The following DDAH1 variants were observed in gnomAD, a reference collection of about 807,000 sequenced individuals.
The protein encoded by DDAH1 is dimethylarginine dimethylaminohydrolase 1.
DDAH1 carries 19 observed loss-of-function variants against 28.8 expected under a neutral mutation model. The ratio of observed to expected loss-of-function variants is 0.66; its 90% CI spans 0.46 to 0.97. The LOEUF (loss-of-function observed/expected upper bound fraction) is 0.97, where lower values mean the gene tolerates loss of function less well. Among genes scored for constraint, DDAH1 ranks in the 50% least tolerant of loss-of-function variants. The pLI is 0.00. For missense variants in DDAH1, 326 were observed against 375.9 expected, an observed-to-expected ratio of 0.87 and a Z score of 1.10; for synonymous variants, 153 against 154.4, an observed-to-expected ratio of 0.99 and a Z score of 0.07.
At chr1:85,325,850 T>C (rs371874227) in intron 4 of DDAH1, among the ~76,000 whole-genome samples, 1 of 152,228 alleles carries the variant, frequency 6.6e-6, no homozygotes, top group Non-Finnish European at 1.5e-5. Flanking sequence ...GGTTTAGTCA[T>C]GTAGACTCTT....
intron 2 of DDAH1, among the ~76,000 whole-genome samples, chr1:85,478,181 A>G (rs923885182): frequency 6.6e-6 from 1 of 152,190 alleles, no homozygotes; most frequent in Non-Finnish European, 1.5e-5. Flanking sequence ...TATATAGAAA[A>G]ATCAGTTTCA....
At chr1:85,525,799 A>G (rs1657850974) in intron 1 of DDAH1, among the ~76,000 whole-genome samples, 1 of 152,104 alleles carries the variant, frequency 6.6e-6, no homozygotes, top group African/African-American at 2.4e-5. Context: ...GTGAGCTCAC[A>G]GGTTAACACT....
chr1:85,365,330 T>C (rs955812723), intron 1 of DDAH1, among the ~76,000 whole-genome samples: 1 of 152,200 alleles, frequency 6.6e-6, no homozygotes, highest in African/African-American at 2.4e-5. Flanking sequence ...CCAAAACAGA[T>C]TATGTTCACT....
chr1:85,368,921 C>T (rs1650221873), intron 1 of DDAH1, among the ~76,000 whole-genome samples: 1 of 152,102 alleles, frequency 6.6e-6, no homozygotes, highest in African/African-American at 2.4e-5. Context: ...TTTGTATGTT[C>T]AGTATACAAT....
At chr1:85,402,988 T>A (rs756956884) in intron 1 of DDAH1, among the ~76,000 whole-genome samples, 8 of 151,988 alleles carry the variant, frequency 5.3e-5, no homozygotes, top group Non-Finnish European at 1.0e-4. Context: ...GATACCTGTT[T>A]TCTTAAGCAT....
At chr1:85,450,167 ATTAT>A (rs1401441559) in intron 1 of DDAH1, among the ~76,000 whole-genome samples, 7 of 152,156 alleles carry the variant, frequency 4.6e-5, no homozygotes, top group African/African-American at 9.7e-5. Flanking sequence ...TATATTTGCG[ATTAT>A]TTATTTCATG....
At chr1:85,354,222 C>T (rs1649373585) in intron 2 of DDAH1, among the ~76,000 whole-genome samples, 1 of 152,126 alleles carries the variant, frequency 6.6e-6, no homozygotes, top group African/African-American at 2.4e-5. Context: ...TACTGACTGT[C>T]CTACATTCTT....
In DDAH1 at chr1:85,512,905, T is replaced by C. The variant is rs534573426; in HGVS notation, c.-122-16624A>G. 3.2e-3 allele frequency among the ~76,000 whole-genome samples: 488 copies of C among 152,178 alleles called. 2 individuals are homozygous for C. Among genetic ancestry groups the C allele is most frequent in the African/African-American group, 0.011 (458 of 41,530 alleles). On this transcript the variant is annotated intron_variant, in intron 1 of 6. Coordinates refer to the DDAH1 transcript ENST00000426972. ...GATCATGGATAGGAAGAATCAATATTGTGAAAATGGCCATACAGCCTAAGG... is the reference window on the plus strand; with the variant it reads ...GATCATGGATAGGAAGAATCAATATCGTGAAAATGGCCATACAGCCTAAGG...
At chr1:85,575,621 A>G (rs888552524) in intron 1 of DDAH1, among the ~76,000 whole-genome samples, 19 of 152,330 alleles carry the variant, frequency 1.2e-4, no homozygotes, top group African/African-American at 4.6e-4. Flanking sequence ...ACTATTTTTT[A>G]TATCTGATGC....
chr1:85,530,075 GA>G (rs55884503), intron 1 of DDAH1, among the ~76,000 whole-genome samples: 74,694 of 150,998 alleles, frequency 0.49, 20,179 homozygotes, highest in Non-Finnish European at 0.59. Context: ...CCCAGGGTCT[GA>G]AAAAAATATT....
At chr1:85,322,366 CT>C (rs1350573946) in intron 5 of DDAH1, among the ~76,000 whole-genome samples, 1 of 152,212 alleles carries the variant, frequency 6.6e-6, no homozygotes, top group African/African-American at 2.4e-5. Flanking sequence ...TTATTAGCAT[CT>C]TTTGACACTA....
intron 1 of DDAH1, among the ~76,000 whole-genome samples, chr1:85,522,752 A>T (rs1476768113): frequency 6.6e-6 from 1 of 152,188 alleles, no homozygotes; most frequent in African/African-American, 2.4e-5. Flanking sequence ...CAGAGAAACA[A>T]CATCTCTAAT....
chr1:85,344,828 T>C (rs951515509), intron 4 of DDAH1, among the ~76,000 whole-genome samples: 5 of 152,152 alleles, frequency 3.3e-5, no homozygotes, highest in South Asian at 2.1e-4. Flanking sequence ...AGATGTGGTA[T>C]AGATTTACTC....
intron 2 of DDAH1, among the ~76,000 whole-genome samples, chr1:85,356,411 A>G (rs115845268): frequency 6.6e-6 from 1 of 152,350 alleles, no homozygotes; most frequent in African/African-American, 2.4e-5. Flanking sequence ...GAGCACATAG[A>G]AAATGTTACA....
intron 1 of DDAH1, among the ~76,000 whole-genome samples, chr1:85,454,081 T>C (rs1355903813): frequency 6.6e-6 from 1 of 152,132 alleles, no homozygotes; most frequent in Non-Finnish European, 1.5e-5. Context: ...GTACAACCCC[T>C]GGCAAGGGAT....
rs762514978 is a variant in DDAH1, at chr1:85,464,929, G to C, written c.117C>G (p.Asp39Glu). ...ALRSAKGEEV[D>E]VARAERQHQL... ...GGTGCTGCCGTTCCGCGCGGGCGAC[G>C]TCCACCTCCTCGCCCTTGGCGCTTC... The change falls in exon 1 of 6, where the codon GAC becomes GAG. Residue 39 changes from aspartate to glutamate, a missense_variant. Asp to Glu is a conservative substitution (Grantham distance 45, BLOSUM62 2). Coordinates refer to ENST00000284031, the MANE Select transcript of DDAH1 (RefSeq NM_012137.4). The surrounding 1 kb of genome is among the most constrained non-coding windows in gnomAD (Gnocchi z 4.4). 1.3e-6 allele frequency: 2 copies of C among 1,548,332 alleles called. No homozygotes were observed. The highest frequency in any genetic ancestry group is 1.7e-6 in the Non-Finnish European group (2 of 1,158,246).
chr1:85,505,476 G>T (rs940614172), intron 1 of DDAH1, among the ~76,000 whole-genome samples: 2 of 152,088 alleles, frequency 1.3e-5, no homozygotes, highest in Non-Finnish European at 1.5e-5. Context: ...TTAAAGAAAG[G>T]CATGAAAAAG....
At chr1:85,479,164 T>TC (rs1557675992) in intron 2 of DDAH1, among the ~76,000 whole-genome samples, 1 of 124,472 alleles carries the variant, frequency 8.0e-6, no homozygotes, top group Non-Finnish European at 1.6e-5. Flanking sequence ...TTTTTCTTTT[T>TC]TTTTTTTTTT....
At chr1:85,529,123 C>CA (rs1204785214) in intron 1 of DDAH1, among the ~76,000 whole-genome samples, 6 of 149,126 alleles carry the variant, frequency 4.0e-5, no homozygotes, top group Non-Finnish European at 7.4e-5. Flanking sequence ...TATTAATTAC[C>CA]AAAAAAAGGG....
Sources: gnomAD v4.1 joint callset for allele counts (sites outside exome capture counted in the v4.1 genomes callset) on GRCh38, gnomAD v4.1.1 for gene constraint, Gnocchi (gnomAD v3.1) non-coding constraint, MANE v1.5 for transcripts, NCBI Gene and HGNC (gene_info 2026-07-23, HGNC 2026-07-21) for gene names.